IL1RAP: variants seen among roughly 807,000 people sequenced by gnomAD.
IL1RAP encodes the protein interleukin 1 receptor accessory protein, also known as interleukin-1 receptor accessory protein.
A neutral mutation model predicts 60.7 loss-of-function variants in IL1RAP; 35 were observed. The ratio of observed to expected loss-of-function variants is 0.58; its 90% CI spans 0.44 to 0.76. IL1RAP has a LOEUF of 0.76. Ranked by LOEUF, IL1RAP falls within the 30% of genes least tolerant of loss-of-function variation. IL1RAP has a pLI of 0.00. For missense variants in IL1RAP, 572 were observed against 693.9 expected (o/e 0.82, Z 1.97); for synonymous variants, 268 against 250.9 (o/e 1.07, Z -0.64).
rs574038454 is a variant in IL1RAP, at chr3:190,579,260, A to T, written c.64+14907A>T. Among the ~76,000 whole-genome samples, 319 of 152,300 alleles carry T rather than the reference A, an allele frequency of 2.1e-3. 2 individuals carry two copies. The highest frequency in any genetic ancestry group is 3.4e-3 in the Non-Finnish European group (230 of 68,026). On this transcript the variant is annotated intron_variant, in intron 3 of 11. Coordinates refer to ENST00000447382, the MANE Select transcript of IL1RAP (RefSeq NM_002182.4). Reference sequence around the variant, plus strand: ...TTCTTCATTTCTCTATGCAATAAACATATGTTGTATTGGGCTTACACTGTG... The same window carrying T: ...TTCTTCATTTCTCTATGCAATAAACTTATGTTGTATTGGGCTTACACTGTG...
rs766841910 is a variant in IL1RAP at position 190,620,176 on chromosome 3, C to T, written c.538-99C>T. 199 of 594,440 alleles carry T rather than the reference C, an allele frequency of 3.3e-4. 1 individual carries two copies. The highest frequency in any genetic ancestry group is 5.1e-4 in the Non-Finnish European group (182 of 354,340). 36.8% of individuals were successfully genotyped at this position (594,440 alleles called of 1,614,324 possible). On this transcript the variant is annotated intron_variant, in intron 5 of 11. Transcript: ENST00000447382. ...TATAAAAACTGCAGCATGAATATTT[C>T]GGTGTTCTGTGCAAAATTAGATGTG...
downstream of IL1RAP, among the ~76,000 whole-genome samples, chr3:190,654,209 C>CACAG (rs1403027716): frequency 1.3e-5 from 2 of 151,084 alleles, no homozygotes; most frequent in Non-Finnish European, 2.9e-5. Context: ...CACACACACA[C>CACAG]ACACACACAC....
At chr3:190,610,883 A>G (rs1285937879) in intron 5 of IL1RAP, among the ~76,000 whole-genome samples, 1 of 152,184 alleles carries the variant, frequency 6.6e-6, no homozygotes, top group Non-Finnish European at 1.5e-5. Context: ...ATTTGAACCT[A>G]ATTGCAATGG....
chr3:190,549,675 A>G (rs1390365714), intron 1 of IL1RAP, among the ~76,000 whole-genome samples: 1 of 152,158 alleles, frequency 6.6e-6, no homozygotes, highest in East Asian at 1.9e-4. Flanking sequence ...TTACCCTTTT[A>G]CCATCATGTC....
At chr3:190,588,495 CAGGGATG>C (rs1728663848) in intron 3 of IL1RAP, among the ~76,000 whole-genome samples, 1 of 152,188 alleles carries the variant, frequency 6.6e-6, no homozygotes, top group Non-Finnish European at 1.5e-5. Context: ...CAAAAGTCCT[CAGGGATG>C]AGTGTCTTGG....
At chr3:190,522,784 T>C (rs1722201153) in intron 1 of IL1RAP, among the ~76,000 whole-genome samples, 1 of 152,160 alleles carries the variant, frequency 6.6e-6, no homozygotes, top group Non-Finnish European at 1.5e-5. Flanking sequence ...TAAATTGCAG[T>C]GCATGGATCT....
chr3:190,630,935 T>C (rs1277109383), intron 9 of IL1RAP, among the ~76,000 whole-genome samples: 1 of 152,218 alleles, frequency 6.6e-6, no homozygotes, highest in African/African-American at 2.4e-5. Flanking sequence ...TATTGGCATA[T>C]ATACCTATAT....
chr3:190,577,681 C>A (rs996625829), intron 3 of IL1RAP, among the ~76,000 whole-genome samples: 5 of 152,082 alleles, frequency 3.3e-5, no homozygotes, highest in African/African-American at 1.2e-4. Flanking sequence ...TAGGGGCATG[C>A]CACCAGGCTC....
At chr3:190,532,412 G>A (rs546236061) in intron 1 of IL1RAP, among the ~76,000 whole-genome samples, 5 of 151,990 alleles carry the variant, frequency 3.3e-5, no homozygotes, top group South Asian at 4.2e-4. Context: ...ACAGGTGCCC[G>A]CCACCACGCC....
At chr3:190,629,773 T>C in intron 9 of IL1RAP, 2 of 1,117,860 alleles carry the variant, frequency 1.8e-6, no homozygotes, top group Non-Finnish European at 2.2e-6. Context: ...GTCTGTACAA[T>C]TATGAAAAAT....
chr3:190,621,752 C>T (rs1178249250), intron 6 of IL1RAP, among the ~76,000 whole-genome samples: 1 of 145,140 alleles, frequency 6.9e-6, no homozygotes, highest in South Asian at 2.2e-4. Flanking sequence ...TTTTAATTAT[C>T]CTCATTTTAG....
intron 1 of IL1RAP, among the ~76,000 whole-genome samples, chr3:190,552,345 A>G (rs1402464225): frequency 1.3e-5 from 2 of 152,176 alleles, no homozygotes; most frequent in African/African-American, 2.4e-5. Flanking sequence ...AAACCATATA[A>G]TACCTTTTTG....
chr3:190,644,117 T>C, intron 9 of IL1RAP, 131 bp from the exon 10 acceptor site: 1 of 1,436,674 alleles, frequency 7.0e-7, no homozygotes, highest in Non-Finnish European at 9.1e-7. Context: ...CTCTACAATG[T>C]TATCTCTGAT....
chr3:190,545,152 T>C lies in IL1RAP; in HGVS notation c.-88-10978T>C, dbSNP rs1724259805. ...AACAGAGCTGCTACATCTGATATTA[T>C]TTTCCGGAATCTGAAGAAACACCAA... On this transcript the variant is annotated intron_variant, in intron 1 of 11. Coordinates refer to ENST00000447382, the MANE Select transcript of IL1RAP (RefSeq NM_002182.4). Among the ~76,000 whole-genome samples the C allele has an allele frequency of 2.0e-5, 3 of 152,214 alleles. No individual in the cohort carries two copies. The South Asian group carries it at 6.2e-4, about 31-fold the overall frequency.
chr3:190,582,890 T>G (rs1728130286), intron 3 of IL1RAP, among the ~76,000 whole-genome samples: 1 of 152,234 alleles, frequency 6.6e-6, no homozygotes, highest in African/African-American at 2.4e-5. Context: ...CCCCTGGCAG[T>G]GAAGTTTTCT....
intron 3 of IL1RAP, among the ~76,000 whole-genome samples, chr3:190,586,165 A>G (rs992123408): frequency 4.6e-5 from 7 of 152,056 alleles, no homozygotes; most frequent in African/African-American, 7.2e-5. Flanking sequence ...CTGCCCTCCT[A>G]TGACACGTTG....
At chr3:190,568,597 T>C (rs776603447) in intron 3 of IL1RAP, among the ~76,000 whole-genome samples, 3 of 152,226 alleles carry the variant, frequency 2.0e-5, no homozygotes, top group Non-Finnish European at 4.4e-5. Context: ...TCAAGTTCTG[T>C]TTTACTCTGT....
At chr3:190,517,461 A>C (rs898314957) in intron 1 of IL1RAP, among the ~76,000 whole-genome samples, 2 of 152,108 alleles carry the variant, frequency 1.3e-5, no homozygotes, top group Non-Finnish European at 2.9e-5. Context: ...GCAGAAAGAG[A>C]CCACTGCTTC....
At position 190,598,541 on chromosome 3, in the gene IL1RAP, A is replaced by C. The variant is rs531145265; in HGVS notation, c.65-5587A>C. Among the ~76,000 whole-genome samples the C allele has an allele frequency of 7.9e-4, 120 of 152,122 alleles. 1 individual carries two copies. In the Middle Eastern group the frequency reaches 0.034, roughly 43 times the overall value. On this transcript the variant is annotated intron_variant, in intron 3 of 11. Coordinates refer to ENST00000447382, the MANE Select transcript of IL1RAP (RefSeq NM_002182.4). ...TTCCTTTTATTCTAATTATTATTTT[A>C]ATTAATTTGAAAGCAAATTATGCAC...
Sources: allele counts gnomAD v4.1 joint callset (sites outside exome capture counted in the v4.1 genomes callset), GRCh38; gene constraint gnomAD v4.1.1; transcripts MANE v1.5; gene names NCBI Gene and HGNC (gene_info 2026-07-23, HGNC 2026-07-21).